Variants in FGF14 observed in about 807,000 individuals in gnomAD.
The protein encoded by FGF14 is fibroblast growth factor homologous factor 4.
In FGF14, 5 loss-of-function variants were observed where a neutral mutation model predicts 25.5. The ratio of observed to expected loss-of-function variants is 0.20; its 90% CI spans 0.10 to 0.41. The LOEUF (loss-of-function observed/expected upper bound fraction) is 0.41. Ranked by LOEUF, FGF14 falls within the 10% of genes least tolerant of loss-of-function variation. FGF14 has a pLI of 1.00. For synonymous variants in FGF14, 138 were observed against 118.3 expected (o/e 1.17, Z -1.08); for missense variants, 222 against 320.1 (o/e 0.69, Z 2.34).
intron 1 of FGF14, among the ~76,000 whole-genome samples, chr13:102,017,661 T>C (rs1454909961): frequency 6.6e-6 from 1 of 152,172 alleles, no homozygotes; most frequent in Non-Finnish European, 1.5e-5. Flanking sequence ...AAACTTTCTT[T>C]AGTTCTGCAA....
intron 1 of FGF14, among the ~76,000 whole-genome samples, chr13:101,974,816 A>G (rs891529469): frequency 1.3e-5 from 2 of 152,188 alleles, no homozygotes; most frequent in African/African-American, 4.8e-5. Context: ...CACATAATGT[A>G]CCACACAGAT....
At chr13:102,021,687 G>A (rs2040660129) in intron 1 of FGF14, among the ~76,000 whole-genome samples, 1 of 152,022 alleles carries the variant, frequency 6.6e-6, no homozygotes, top group African/African-American at 2.4e-5. Context: ...TATTTGGTGA[G>A]AAATTACTTT....
In FGF14 at chr13:101,850,671, AATAGAATATAT is replaced by A. The variant is rs566727068; in HGVS notation, c.408+18043_408+18053del. 6.8e-3 allele frequency among the ~76,000 whole-genome samples: 976 copies of A among 144,384 alleles called. 10 individuals carry two copies. The highest frequency in any genetic ancestry group is 0.017 in the South Asian group (78 of 4,658). The allele number at this position is 144,384 out of a possible 152,430, so 94.7% of individuals were successfully genotyped here. A position where few individuals can be genotyped will look rare whatever the true frequency, so the allele number is the denominator to read the frequency against. The stretch of plus-strand genomic sequence containing the variant: ...CATTCTCTATATATTCTATATAGAG[AATAGAATATAT>A]ATAGAATATATATAGAATATACATA... On this transcript the variant is annotated intron_variant, in intron 3 of 4. Transcript: ENST00000376143.
chr13:102,156,713 G>A (rs1266502227), intron 1 of FGF14, among the ~76,000 whole-genome samples: 2 of 152,184 alleles, frequency 1.3e-5, no homozygotes, highest in African/African-American at 4.8e-5. Context: ...AAAAGAGGAA[G>A]TCAAATTGTC....
intron 1 of FGF14, among the ~76,000 whole-genome samples, chr13:102,026,855 T>C (rs2040954619): frequency 6.6e-6 from 1 of 152,028 alleles, no homozygotes; most frequent in African/African-American, 2.4e-5. Context: ...AGCTCCTCAC[T>C]ATATAACACA....
intron 3 of FGF14, among the ~76,000 whole-genome samples, chr13:101,761,320 CATAG>C (rs1349492463): frequency 6.6e-6 from 1 of 152,104 alleles, no homozygotes; most frequent in Non-Finnish European, 1.5e-5. Context: ...TAATGACACA[CATAG>C]ATAGAGATTT....
intron 1 of FGF14, among the ~76,000 whole-genome samples, chr13:102,131,708 TTTATG>T (rs1366330189): frequency 6.6e-6 from 1 of 150,882 alleles, no homozygotes; most frequent in East Asian, 1.9e-4. Flanking sequence ...ACCTAATTTG[TTTATG>T]TTTTCTTTTT....
At chr13:101,931,840 C>T (rs2034773824) in intron 1 of FGF14, among the ~76,000 whole-genome samples, 1 of 152,178 alleles carries the variant, frequency 6.6e-6, no homozygotes, top group Admixed American at 6.5e-5. Flanking sequence ...CATGTCACTC[C>T]TAAGTCTTCT....
At chr13:101,821,278 A>G (rs2042142806) in intron 3 of FGF14, among the ~76,000 whole-genome samples, 1 of 152,106 alleles carries the variant, frequency 6.6e-6, no homozygotes, top group Non-Finnish European at 1.5e-5. Flanking sequence ...AATTTCACAC[A>G]TATTGATCGT....
intron 1 of FGF14, among the ~76,000 whole-genome samples, chr13:102,325,440 G>A (rs2056393006): frequency 6.6e-6 from 1 of 152,124 alleles, no homozygotes; most frequent in Non-Finnish European, 1.5e-5. Context: ...TTTTCTGTCT[G>A]ATCTTGGGTC....
intron 1 of FGF14, among the ~76,000 whole-genome samples, chr13:101,984,028 C>T (rs1292960914): frequency 2.0e-5 from 3 of 152,268 alleles, no homozygotes; most frequent in Admixed American, 6.5e-5. Flanking sequence ...ATTTCTGTAA[C>T]TTAAATACAT....
At chr13:102,392,123 C>G (rs980418770) in intron 1 of FGF14, among the ~76,000 whole-genome samples, 1 of 152,228 alleles carries the variant, frequency 6.6e-6, no homozygotes, top group African/African-American at 2.4e-5. Flanking sequence ...TTACCACACA[C>G]TTCAGTGATC....
At chr13:102,158,646 T>G (rs974818571) in intron 1 of FGF14, among the ~76,000 whole-genome samples, 3 of 151,942 alleles carry the variant, frequency 2.0e-5, no homozygotes, top group African/African-American at 2.4e-5. Flanking sequence ...ATTGTGCACA[T>G]GTACCCTAAA....
intron 1 of FGF14, among the ~76,000 whole-genome samples, chr13:102,161,362 T>G (rs1448585642): frequency 6.6e-6 from 1 of 152,116 alleles, no homozygotes; most frequent in Non-Finnish European, 1.5e-5. Flanking sequence ...GCCGTTCCAG[T>G]TGCCACTGGA....
At chr13:101,854,087 C>T (rs1177741539) in intron 3 of FGF14, among the ~76,000 whole-genome samples, 3 of 152,020 alleles carry the variant, frequency 2.0e-5, no homozygotes, top group African/African-American at 7.2e-5. Context: ...CTAACGCAGG[C>T]AAACACAATG....
chr13:102,054,020 A>G (rs964178717), intron 1 of FGF14, among the ~76,000 whole-genome samples: 1 of 152,152 alleles, frequency 6.6e-6, no homozygotes, highest in African/African-American at 2.4e-5. Flanking sequence ...CAGGTAAGCA[A>G]TATTTATTTC....
chr13:102,049,924 C>T (rs916699450), intron 1 of FGF14, among the ~76,000 whole-genome samples: 19 of 152,244 alleles, frequency 1.2e-4, no homozygotes, highest in African/African-American at 4.3e-4. Flanking sequence ...CCCACTCATG[C>T]CTAGATCTCA....
Position 101,916,666 on chromosome 13 carries a change from C to A in FGF14, c.-21G>T, listed in dbSNP as rs1458047858. On this transcript the variant is annotated 5_prime_UTR_variant, in exon 1 of 5. Transcript: ENST00000376143. ...GCCATGGTGGCCCCGGGAACGGGTC[C>A]GGGGAGGGAGGGCGCGGGAGGACGG... The A allele has an allele frequency of 2.0e-6, 3 of 1,508,454 alleles. No homozygotes were observed. Among genetic ancestry groups the A allele is most frequent in the Non-Finnish European group, 2.7e-6 (3 of 1,126,326 alleles). 93.4% of individuals were successfully genotyped at this position (1,508,454 alleles called of 1,614,324 possible).
At chr13:101,991,581 C>T (rs1311167788) in intron 1 of FGF14, among the ~76,000 whole-genome samples, 1 of 152,102 alleles carries the variant, frequency 6.6e-6, no homozygotes, top group Non-Finnish European at 1.5e-5. Context: ...ATCAACAACA[C>T]TGCTTAGATC....
Sources: allele counts gnomAD v4.1 joint callset (sites outside exome capture counted in the v4.1 genomes callset), GRCh38; gene constraint gnomAD v4.1.1; transcripts MANE v1.5; gene names NCBI Gene and HGNC (gene_info 2026-07-23, HGNC 2026-07-21).